Variants in CNGB1 observed in about 807,000 individuals in gnomAD.
The protein encoded by CNGB1 is cyclic nucleotide-gated channel beta-1.
A neutral mutation model predicts 151.7 loss-of-function variants in CNGB1; 126 were observed. The ratio of observed to expected loss-of-function variants is 0.83; its 90% CI spans 0.72 to 0.96. CNGB1 has a LOEUF of 0.96. Ranked by LOEUF, CNGB1 falls within the 40% of genes least tolerant of loss-of-function variation. CNGB1 has a pLI of 0.00. For synonymous variants in CNGB1, 623 were observed against 635.1 expected (o/e 0.98, Z 0.29); for missense variants, 1,698 against 1,627.0 (o/e 1.04, Z -0.75).
Position 57,931,743 on chromosome 16 carries a change from A to G in CNGB1, c.1508T>C (p.Val503Ala), listed in dbSNP as rs1163018738. ...PSPAKSDTLI[V>A]PSSASGTHRK... Reference sequence around the variant, plus strand: ...GTGTGTCCCCGAGGCTGAGCTTGGGACTATAAGGGTGTCTGATTTGGCAGG... The same window carrying G: ...GTGTGTCCCCGAGGCTGAGCTTGGGGCTATAAGGGTGTCTGATTTGGCAGG... The change falls in exon 17 of 33, where the codon GTC becomes GCC. Residue 503 changes from valine (V) to alanine (A), a missense_variant. By Grantham distance (64) the Val-to-Ala change is moderately conservative. Transcript: ENST00000251102. The G allele has an allele frequency of 6.2e-7, 1 of 1,614,142 alleles. No individual in the cohort carries two copies. The highest frequency in any genetic ancestry group is 1.3e-5 in the African/African-American group (1 of 75,042).
intron 31 of CNGB1, among the ~76,000 whole-genome samples, chr16:57,896,531 G>A (rs1960231470): frequency 6.6e-6 from 1 of 151,862 alleles, no homozygotes; most frequent in Admixed American, 6.6e-5. Context: ...TGACCAACAT[G>A]GTGAAACCCC....
In CNGB1 at chr16:57,923,390, C is replaced by T; in HGVS notation, c.1536-10G>A. Reference sequence around the variant, plus strand: ...AGAGGGCAGCTTCTTCCTGCAAAGACACAGATGTGGAAGGGGCCTTCAGCA... The same window carrying T: ...AGAGGGCAGCTTCTTCCTGCAAAGATACAGATGTGGAAGGGGCCTTCAGCA... On this transcript the variant is annotated splice_polypyrimidine_tract_variant and intron_variant, in intron 17 of 32. Coordinates refer to ENST00000251102, the MANE Select transcript of CNGB1 (RefSeq NM_001297.5). 5 of 1,610,222 alleles carry T rather than the reference C, an allele frequency of 3.1e-6. No individual in the cohort carries two copies. The highest frequency in any genetic ancestry group is 4.2e-6 in the Non-Finnish European group (5 of 1,177,456).
chr16:57,915,192 G>A, intron 23 of CNGB1, 57 bp downstream of exon 23: 2 of 1,407,246 alleles, frequency 1.4e-6, no homozygotes, highest in South Asian at 1.2e-5. Flanking sequence ...AGATGCCAGT[G>A]TCGGTGCAGA....
Position 57,940,659 on chromosome 16 carries a change from G to A in CNGB1, c.1122-338C>T, listed in dbSNP as rs376304176. Among the ~76,000 whole-genome samples, 10 of 152,312 alleles carry A rather than the reference G, an allele frequency of 6.6e-5. No homozygotes were observed. The East Asian group carries it at 1.5e-3, about 23-fold the overall frequency. On this transcript the variant is annotated intron_variant, in intron 14 of 32. Coordinates refer to ENST00000251102, the MANE Select transcript of CNGB1 (RefSeq NM_001297.5). ...GTTGTCCAGGAAATGAGAACAACAT[G>A]TGCGAGAAATGCATGGAGGACGGTT...
At chr16:57,923,821 C>A (rs1253651516) in intron 17 of CNGB1, among the ~76,000 whole-genome samples, 1 of 152,176 alleles carries the variant, frequency 6.6e-6, no homozygotes, top group East Asian at 1.9e-4. Flanking sequence ...CCACCTCATT[C>A]CCCTCTACTC....
intron 26 of CNGB1, 108 bp from the exon 27 acceptor site, chr16:57,904,089 C>T (rs964378594): frequency 8.5e-5 from 84 of 988,476 alleles, no homozygotes; most frequent in Non-Finnish European, 1.2e-4. Flanking sequence ...GGCATGTGCT[C>T]CTGGCAGGGC....
intron 12 of CNGB1, chr16:57,955,025 A>T: frequency 8.3e-7 from 1 of 1,200,970 alleles, no homozygotes; most frequent in Admixed American, 3.7e-5. Context: ...CTGGGATTAC[A>T]GGCGTGAGCC....
At chr16:57,896,116 G>A (rs535749724) in intron 31 of CNGB1, among the ~76,000 whole-genome samples, 25 of 152,090 alleles carry the variant, frequency 1.6e-4, no homozygotes, top group Admixed American at 5.9e-4. Context: ...AACCATCAAA[G>A]GATGCTAAAA....
intron 29 of CNGB1, 128 bp downstream of exon 29, chr16:57,901,224 A>G: frequency 1.1e-6 from 1 of 935,790 alleles, no homozygotes. Flanking sequence ...ATGAAGCCGC[A>G]GACGCTCTTC....
At chr16:57,958,759 A>G (rs915281555) in intron 10 of CNGB1, among the ~76,000 whole-genome samples, 1 of 138,486 alleles carries the variant, frequency 7.2e-6, no homozygotes, top group Admixed American at 7.5e-5. Flanking sequence ...CATCTCACAC[A>G]TGGAATGTGG....
chr16:57,964,187 G>T lies in CNGB1; in HGVS notation c.233C>A (p.Ala78Asp). Residue 78 changes from alanine to aspartate, a missense_variant, in exon 4 of 33, where the codon GCC (alanine) becomes GAC (aspartate). By Grantham distance (126) the Ala-to-Asp change is moderately radical. Coordinates refer to ENST00000251102, the MANE Select transcript of CNGB1 (RefSeq NM_001297.5). ...DPSPQETKEAALTSTISLRAQ... is the reference protein window; with the variant it reads ...DPSPQETKEADLTSTISLRAQ... ...CCGGAGGGATATGGTGGAAGTAAGG[G>T]CAGCCTCCTTGGTCTCTGGAAAAGA... 6.2e-7 allele frequency: 1 copy of T among 1,614,180 alleles called. No individual in the cohort carries two copies. Among genetic ancestry groups the T allele is most frequent in the Non-Finnish European group, 8.5e-7 (1 of 1,180,024 alleles).
chr16:57,897,618 G>T, intron 30 of CNGB1, 75 bp from the exon 31 acceptor site: 1 of 1,606,712 alleles, frequency 6.2e-7, no homozygotes, highest in South Asian at 1.1e-5. Context: ...CATTTCCCAT[G>T]TGTGGAGGAC....
intron 17 of CNGB1, among the ~76,000 whole-genome samples, chr16:57,927,096 G>A (rs1961211816): frequency 6.6e-6 from 1 of 152,220 alleles, no homozygotes; most frequent in Non-Finnish European, 1.5e-5. Flanking sequence ...CACTGCCTGT[G>A]TCTGGCCCTG....
At chr16:57,965,916 AG>A (rs1170559374) in intron 2 of CNGB1, among the ~76,000 whole-genome samples, 1 of 152,200 alleles carries the variant, frequency 6.6e-6, no homozygotes, top group African/African-American at 2.4e-5. Context: ...AGACATACCA[AG>A]GGCACACTAC....
chr16:57,962,643 G>C (rs1962287509), intron 6 of CNGB1, 33 bp from the exon 7 acceptor site: 1 of 1,611,546 alleles, frequency 6.2e-7, no homozygotes, highest in Non-Finnish European at 8.5e-7. Flanking sequence ...AAGGCAGTCA[G>C]CAGCGGGAGA....
At chr16:57,928,157 G>T (rs1961243996) in intron 17 of CNGB1, among the ~76,000 whole-genome samples, 1 of 152,234 alleles carries the variant, frequency 6.6e-6, no homozygotes, top group African/African-American at 2.4e-5. Context: ...TTTGCCTCCA[G>T]CTGTACACAC....
At chr16:57,916,292 C>G in intron 21 of CNGB1, 113 bp from the exon 22 acceptor site, 1 of 1,022,024 alleles carries the variant, frequency 9.8e-7, no homozygotes, top group Non-Finnish European at 1.5e-6. Flanking sequence ...CATAACAGCC[C>G]AAGGACCATC....
chr16:57,960,174 G>A (rs1962206782), intron 9 of CNGB1, 109 bp from the exon 10 acceptor site: 1 of 1,499,700 alleles, frequency 6.7e-7, no homozygotes, highest in Non-Finnish European at 8.9e-7. Context: ...TGAATGGGGA[G>A]CCCTTTGGGA....
At chr16:57,917,562 A>G (rs1267027042) in intron 20 of CNGB1, 86 bp from the exon 21 acceptor site, 2 of 1,234,204 alleles carry the variant, frequency 1.6e-6, no homozygotes, top group African/African-American at 1.5e-5. Context: ...TGTTCTTTCT[A>G]CTCCTTCAAC....
Sources: gnomAD v4.1 joint callset for allele counts (sites outside exome capture counted in the v4.1 genomes callset) on GRCh38, gnomAD v4.1.1 for gene constraint, MANE v1.5 for transcripts, NCBI Gene and HGNC (gene_info 2026-07-23, HGNC 2026-07-21) for gene names.